Variants in PSG3 observed in about 807,000 individuals in gnomAD.
The protein encoded by PSG3 is pregnancy-specific beta-1-glycoprotein 3.
In PSG3, 61 loss-of-function variants were observed where a neutral mutation model predicts 47.5. That is an observed-to-expected ratio of 1.28 (90% CI 1.05 to 1.59). The LOEUF (loss-of-function observed/expected upper bound fraction) is 1.59, where lower values mean the gene tolerates loss of function less well. Ranked by LOEUF, PSG3 falls within the 40% of genes most tolerant of loss-of-function variation. PSG3 has a pLI of 0.00. For synonymous variants in PSG3, 263 were observed against 198.4 expected (o/e 1.33, Z -2.74); for missense variants, 756 against 524.0 (o/e 1.44, Z -4.32).
At chr19:42,733,258 G>A (rs1456171064) in intron 2 of PSG3, 196 bp from the exon 3 acceptor site, 2 of 1,217,128 alleles carry the variant, frequency 1.6e-6, no homozygotes, top group Non-Finnish European at 2.2e-6. Flanking sequence ...GCTTCGTGTG[G>A]GAGAAGCACA....
chr19:42,725,569 T>G (rs1013076024), intron 5 of PSG3, among the ~76,000 whole-genome samples: 1 of 151,932 alleles, frequency 6.6e-6, no homozygotes, highest in Non-Finnish European at 1.5e-5. Flanking sequence ...AAATCAGAAA[T>G]GAAAATGGAC....
intron 3 of PSG3, among the ~76,000 whole-genome samples, 183 bp from the exon 4 acceptor site, chr19:42,730,239 G>C (rs4030907): frequency 6.6e-6 from 1 of 152,208 alleles, no homozygotes; most frequent in South Asian, 2.1e-4. Flanking sequence ...TGTGAGGCCA[G>C]CTGCTCTGTC....
chr19:42,729,815 A>G lies in PSG3; in HGVS notation c.951T>C (p.Gly317=), dbSNP rs752916989. The part of the protein sequence containing the change: ...PYQCEIQDRY[G]GIRSYPVTLN... ...GGGTGACTGGGTAACTGCGGATGCC[A>G]CCATATCGGTCCTGTATTTCACATT... Residue 317 remains glycine (G), a synonymous_variant, in exon 4 of 7, where the codon GGT becomes GGC. Coordinates refer to ENST00000327495, the MANE Select transcript of PSG3 (RefSeq NM_021016.4). 3 of 1,613,604 alleles carry G rather than the reference A, an allele frequency of 1.9e-6. No homozygotes were observed. Among genetic ancestry groups the G allele is most frequent in the Non-Finnish European group, 2.5e-6 (3 of 1,179,860 alleles).
intron 2 of PSG3, among the ~76,000 whole-genome samples, chr19:42,734,406 G>C (rs566836138): frequency 4.6e-5 from 7 of 152,218 alleles, no homozygotes; most frequent in Non-Finnish European, 1.0e-4. Flanking sequence ...GAGCATTTCA[G>C]ATTGTGGATT....
At chr19:42,723,327 C>G (rs1261371343) in intron 6 of PSG3, among the ~76,000 whole-genome samples, 2 of 152,132 alleles carry the variant, frequency 1.3e-5, no homozygotes, top group African/African-American at 4.8e-5. Context: ...TCAGACATAG[C>G]ATTGGAACTA....
Position 42,722,258 on chromosome 19 carries a change from A to T in PSG3, c.*41-168T>A, listed in dbSNP as rs535503222. Among the ~76,000 whole-genome samples, 88 of 150,902 alleles carry T rather than the reference A, an allele frequency of 5.8e-4. 1 individual carries two copies. Among genetic ancestry groups the T allele is most frequent in the South Asian group, 1.9e-3 (9 of 4,744 alleles). ...AATTTTTAGAATACTCATTAAAAAAATTTTTTTTTTGAGACGGAGTCTCAC... is the reference window on the plus strand; with the variant it reads ...AATTTTTAGAATACTCATTAAAAAATTTTTTTTTTTGAGACGGAGTCTCAC... On this transcript the variant is annotated intron_variant, in intron 6 of 6. Transcript: ENST00000327495.
chr19:42,738,715 GTCAC>G lies in PSG3; in HGVS notation c.430+5_430+8del. On this transcript the variant is annotated splice_donor_5th_base_variant and intron_variant, in intron 2 of 6. Coordinates refer to ENST00000327495, the MANE Select transcript of PSG3 (RefSeq NM_021016.4). Reference sequence around the variant, plus strand: ...CCCCAACACCCAGTGATCACGTGGAGTCACTCACGGTATAAGGTGAAGGTGAAAT... The same window carrying G: ...CCCCAACACCCAGTGATCACGTGGAGTCACGGTATAAGGTGAAGGTGAAAT... 6.2e-7 allele frequency: 1 copy of G among 1,613,428 alleles called. No homozygotes were observed. Among genetic ancestry groups the G allele is most frequent in the Non-Finnish European group, 8.5e-7 (1 of 1,179,608 alleles).
intron 6 of PSG3, among the ~76,000 whole-genome samples, chr19:42,722,364 C>T (rs1969312192): frequency 1.3e-5 from 2 of 152,172 alleles, no homozygotes; most frequent in South Asian, 4.1e-4. Context: ...CATTCTCCTG[C>T]CTCAGCCTCC....
intron 2 of PSG3, among the ~76,000 whole-genome samples, chr19:42,738,048 A>G (rs1264902262): frequency 6.6e-6 from 1 of 152,190 alleles, no homozygotes; most frequent in African/African-American, 2.4e-5. Flanking sequence ...TTCTGGGGAC[A>G]TTAGACTTTC....
chr19:42,724,300 C>G (rs1482697664), intron 5 of PSG3, among the ~76,000 whole-genome samples: 3 of 152,118 alleles, frequency 2.0e-5, no homozygotes, highest in African/African-American at 4.8e-5. Context: ...TTGCTATTTT[C>G]TATGTCATTA....
rs140145386 is a variant in PSG3 at position 42,738,652 on chromosome 19, G to T, written c.430+72C>A. ...AGAGAGGGACACAGGCACAATCCAG[G>T]CCTGACAATCCTTTGTGTGTGAAGT... is the stretch of plus-strand genomic sequence containing the variant. On this transcript the variant is annotated intron_variant, in intron 2 of 6. Coordinates refer to ENST00000327495, the MANE Select transcript of PSG3 (RefSeq NM_021016.4). 26 of 1,611,626 alleles carry T rather than the reference G, an allele frequency of 1.6e-5. No individual in the cohort carries two copies. The East Asian group carries it at 5.3e-4, about 33-fold the overall frequency.
chr19:42,736,612 T>TGTGTGTGTGTG (rs1969566929), intron 2 of PSG3, among the ~76,000 whole-genome samples: 3 of 138,654 alleles, frequency 2.2e-5, no homozygotes, highest in African/African-American at 8.5e-5. Context: ...TTCAATACAT[T>TGTGTGTGTGTG]TGTGTGTGTG....
intron 1 of PSG3, among the ~76,000 whole-genome samples, chr19:42,739,856 C>CAATA (rs766296697): frequency 6.6e-6 from 1 of 152,138 alleles, no homozygotes; most frequent in African/African-American, 2.4e-5. Flanking sequence ...AATTCTGGTT[C>CAATA]CTGTGACTTT....
intron 3 of PSG3, 49 bp from the exon 4 acceptor site, chr19:42,730,105 C>A (rs1490666021): frequency 6.2e-7 from 1 of 1,601,410 alleles, no homozygotes; most frequent in Non-Finnish European, 8.5e-7. Flanking sequence ...CCTTTGATTC[C>A]TCCACTGGCA....
intron 1 of PSG3, 126 bp from the exon 2 acceptor site, chr19:42,739,215 A>AACAC (rs577524594): frequency 1.1e-5 from 15 of 1,305,144 alleles, no homozygotes; most frequent in Non-Finnish European, 1.5e-5. Flanking sequence ...CACACATACA[A>AACAC]ACACACACAC....
chr19:42,733,372 G>A, intron 2 of PSG3: 3 of 400,784 alleles, frequency 7.5e-6, no homozygotes, highest in South Asian at 3.9e-5. Context: ...ATCTCGAAGT[G>A]CCTGCCTGGC....
At chr19:42,735,571 T>G (rs577214243) in intron 2 of PSG3, among the ~76,000 whole-genome samples, 18 of 152,296 alleles carry the variant, frequency 1.2e-4, no homozygotes, top group African/African-American at 4.1e-4. Context: ...TTTCACCATG[T>G]TAGCCAGGAT....
intron 1 of PSG3, 100 bp downstream of exon 1, chr19:42,740,221 G>A (rs1969647893): frequency 6.2e-7 from 1 of 1,607,028 alleles, no homozygotes; most frequent in East Asian, 2.2e-5. Context: ...CTAAGTGCTG[G>A]CTTCTTTTAT....
chr19:42,730,822 G>A lies in PSG3; in HGVS notation c.710-766C>T, dbSNP rs910764690. 1.2e-4 allele frequency among the ~76,000 whole-genome samples: 18 copies of A among 152,366 alleles called. 1 individual carries two copies. The highest frequency in any genetic ancestry group is 4.3e-4 in the African/African-American group (18 of 41,596). ...TTTAAGTTTCCTCTCCTTCTGCAGAGGGCAGGTGAGGACCATGTGGATCTT... is the reference window on the plus strand; with the variant it reads ...TTTAAGTTTCCTCTCCTTCTGCAGAAGGCAGGTGAGGACCATGTGGATCTT... On this transcript the variant is annotated intron_variant, in intron 3 of 6. Transcript: ENST00000327495.
Sources: gnomAD v4.1 joint callset for allele counts (sites outside exome capture counted in the v4.1 genomes callset) on GRCh38, gnomAD v4.1.1 for gene constraint, MANE v1.5 for transcripts, NCBI Gene and HGNC (gene_info 2026-07-23, HGNC 2026-07-21) for gene names.